Variants in THOC1 observed in about 807,000 individuals in gnomAD.
THOC1 encodes the protein THO complex 1.
Under a neutral mutation model 97.3 loss-of-function variants are expected in THOC1, and 29 were observed. The observed-to-expected ratio is 0.30, with a 90% CI of 0.22 to 0.41. The LOEUF (loss-of-function observed/expected upper bound fraction) is 0.41, where lower values mean the gene tolerates loss of function less well. Ranked by LOEUF, THOC1 falls within the 10% of genes least tolerant of loss-of-function variation. THOC1 has a pLI of 1.00. For missense variants in THOC1, 529 were observed against 761.9 expected, an observed-to-expected ratio of 0.69 and a Z score of 3.60; for synonymous variants, 255 against 257.0, an observed-to-expected ratio of 0.99 and a Z score of 0.07.
At chr18:223,399 T>C (rs779630943) in intron 17 of THOC1, 41 bp downstream of exon 17, 20 of 1,494,862 alleles carry the variant, frequency 1.3e-5, no homozygotes, top group Non-Finnish European at 1.7e-5. Context: ...TACTCAACAC[T>C]TGACAAAAGC....
intron 7 of THOC1, among the ~76,000 whole-genome samples, chr18:255,063 T>C (rs1912394746): frequency 6.6e-6 from 1 of 152,274 alleles, no homozygotes; most frequent in Middle Eastern, 3.4e-3. Context: ...CAATAAATGC[T>C]GTGTGTGTTC....
chr18:235,794 C>T (rs1042679059), intron 11 of THOC1, among the ~76,000 whole-genome samples: 1 of 152,142 alleles, frequency 6.6e-6, no homozygotes, highest in Non-Finnish European at 1.5e-5. Flanking sequence ...GAATGTTCCA[C>T]GTATACACAA....
At chr18:237,058 G>A (rs1460673986) in intron 11 of THOC1, among the ~76,000 whole-genome samples, 1 of 151,580 alleles carries the variant, frequency 6.6e-6, no homozygotes, top group Non-Finnish European at 1.5e-5. Context: ...TTAAGTCTCT[G>A]AAAAGAACAC....
intron 5 of THOC1, 21 bp downstream of exon 5, chr18:260,164 GA>G (rs2143296388): frequency 7.0e-7 from 1 of 1,422,246 alleles, no homozygotes; most frequent in Non-Finnish European, 9.4e-7. Flanking sequence ...AAGTTAGCAG[GA>G]AAAGAAACTA....
intron 17 of THOC1, among the ~76,000 whole-genome samples, chr18:221,461 TA>T (rs1911074285): frequency 6.6e-6 from 1 of 152,198 alleles, no homozygotes; most frequent in Non-Finnish European, 1.5e-5. Context: ...TTATTTTTAA[TA>T]ATGCTTTCTG....
chr18:249,635 C>A (rs1400614014), intron 9 of THOC1, among the ~76,000 whole-genome samples: 1 of 149,252 alleles, frequency 6.7e-6, no homozygotes, highest in Non-Finnish European at 1.5e-5. Flanking sequence ...GCACTCCAGC[C>A]TGGGTGACAG....
intron 16 of THOC1, 39 bp downstream of exon 16, chr18:224,045 A>G (rs113209385): frequency 2.2e-6 from 3 of 1,339,860 alleles, no homozygotes; most frequent in African/African-American, 1.5e-5. Context: ...AAATATAAAA[A>G]TAACTAAGAA....
chr18:225,030 G>C, intron 14 of THOC1, 36 bp from the exon 15 acceptor site: 3 of 1,563,926 alleles, frequency 1.9e-6, no homozygotes, highest in Non-Finnish European at 2.6e-6. Context: ...TTGGTTAGTG[G>C]AATCCTCTGA....
intron 9 of THOC1, among the ~76,000 whole-genome samples, chr18:249,413 T>C (rs924358021): frequency 6.6e-6 from 1 of 152,126 alleles, no homozygotes; most frequent in African/African-American, 2.4e-5. Context: ...ACACCTGTAA[T>C]CCCAACACTT....
intron 17 of THOC1, among the ~76,000 whole-genome samples, chr18:220,806 ATCTTC>A (rs927208997): frequency 6.6e-5 from 10 of 151,614 alleles, no homozygotes; most frequent in Admixed American, 3.9e-4. Context: ...GTTTTTATTG[ATCTTC>A]TCTTTTGATT....
intron 11 of THOC1, among the ~76,000 whole-genome samples, chr18:231,358 GTCAA>G (rs1258567190): frequency 1.2e-4 from 18 of 152,058 alleles, no homozygotes; most frequent in Non-Finnish European, 1.5e-4. Context: ...ATGCCTCTCT[GTCAA>G]TCAATTTTAC....
chr18:225,281 A>G (rs775323836), intron 13 of THOC1, 56 bp downstream of exon 13: 14 of 1,597,484 alleles, frequency 8.8e-6, no homozygotes, highest in Non-Finnish European at 1.2e-5. Flanking sequence ...GCTGAAACAA[A>G]GAAAATCCTA....
chr18:255,008 G>A (rs759104714), intron 7 of THOC1, among the ~76,000 whole-genome samples: 19 of 151,954 alleles, frequency 1.3e-4, no homozygotes, highest in Non-Finnish European at 4.4e-5. Flanking sequence ...TAGTAGAGAC[G>A]GGCTTTTGCC....
chr18:226,570 T>A (rs540326125), intron 12 of THOC1, among the ~76,000 whole-genome samples: 9 of 152,204 alleles, frequency 5.9e-5, no homozygotes, highest in Admixed American at 5.2e-4. Context: ...AGACGACAAC[T>A]CCTGGCAAGC....
At chr18:247,344 G>A (rs569989739) in intron 10 of THOC1, among the ~76,000 whole-genome samples, 6 of 152,282 alleles carry the variant, frequency 3.9e-5, no homozygotes, top group African/African-American at 1.4e-4. Context: ...AACTTTTTCT[G>A]TAAAGGACCA....
chr18:265,629 A>T, intron 1 of THOC1, 99 bp from the exon 2 acceptor site: 1 of 960,792 alleles, frequency 1.0e-6, no homozygotes, highest in Non-Finnish European at 1.5e-6. Flanking sequence ...TAACTAAAAA[A>T]TGCTTATACC....
intron 1 of THOC1, among the ~76,000 whole-genome samples, chr18:267,095 T>C (rs1357603590): frequency 6.6e-6 from 1 of 152,008 alleles, no homozygotes; most frequent in African/African-American, 2.4e-5. Context: ...TCACACAATT[T>C]TCATCCTGGC....
chr18:261,331 C>A (rs1242366615), intron 4 of THOC1, among the ~76,000 whole-genome samples: 2 of 152,124 alleles, frequency 1.3e-5, no homozygotes, highest in Non-Finnish European at 2.9e-5. Flanking sequence ...GGAAAAATAT[C>A]TAGGGTGATC....
chr18:240,228 G>A (rs530968364), intron 11 of THOC1, among the ~76,000 whole-genome samples: 1 of 152,246 alleles, frequency 6.6e-6, no homozygotes, highest in South Asian at 2.1e-4. Context: ...CTCTCTTCAA[G>A]ATTAGGCTCC....
Sources: gnomAD v4.1 joint callset for allele counts (sites outside exome capture counted in the v4.1 genomes callset) on GRCh38, gnomAD v4.1.1 for gene constraint, MANE v1.5 for transcripts, NCBI Gene and HGNC (gene_info 2026-07-23, HGNC 2026-07-21) for gene names.